Variants in CTPS2 observed in about 807,000 individuals in gnomAD.
The protein encoded by CTPS2 is CTP synthase 2, also known as CTP synthase II.
In CTPS2, 19 loss-of-function variants were observed where a neutral mutation model predicts 46.8. The observed-to-expected ratio is 0.41, with a 90% CI of 0.28 to 0.60. The LOEUF is 0.60. Ranked by LOEUF, CTPS2 falls within the 20% of genes least tolerant of loss-of-function variation. CTPS2 has a pLI of 0.35. For missense variants in CTPS2, 286 were observed against 447.6 expected, an observed-to-expected ratio of 0.64 and a Z score of 3.26; for synonymous variants, 151 against 165.2, an observed-to-expected ratio of 0.91 and a Z score of 0.66.
At position 16,609,745 on chromosome X, in the gene CTPS2, ATCT is replaced by A. The variant is rs1481952155; in HGVS notation, c.1547-63_1547-61del. The A allele has an allele frequency of 1.4e-5, 15 of 1,061,401 alleles. No homozygotes were observed. In the Admixed American group the frequency reaches 1.9e-4, roughly 14 times the overall value. 87.5% of individuals were successfully genotyped at this position (1,061,401 alleles called of 1,213,427 possible). On this transcript the variant is annotated intron_variant, in intron 16 of 18. Transcript: ENST00000359276. ...GACAAACAGGAGAACTGCTTTAAAG[ATCT>A]TCTTATCTTTGAATATGAAAACTCA...
chrX:16,652,222 A>G (rs1195087455), intron 13 of CTPS2, among the ~76,000 whole-genome samples: 9 of 111,960 alleles, frequency 8.0e-5, no homozygotes, highest in Non-Finnish European at 1.1e-4. Flanking sequence ...TCATTTTGCA[A>G]TTAAAAACCA....
chrX:16,631,297 A>G (rs942918949), intron 14 of CTPS2, among the ~76,000 whole-genome samples: 2 of 109,024 alleles, frequency 1.8e-5, no homozygotes, highest in African/African-American at 6.7e-5. Flanking sequence ...GCAGTGAGCC[A>G]AGATCATGCC....
chrX:16,680,598 C>T (rs1265220219), intron 9 of CTPS2, among the ~76,000 whole-genome samples: 3 of 108,071 alleles, frequency 2.8e-5, no homozygotes, highest in African/African-American at 1.0e-4. Context: ...AAAAAAAAGA[C>T]TATTCAAATA....
In CTPS2 at chrX:16,667,737, G is replaced by A. The variant is rs747250791; in HGVS notation, c.1190-13C>T. 1 of 1,195,790 alleles carries A rather than the reference G, an allele frequency of 8.4e-7. No homozygotes were observed. The highest frequency in any genetic ancestry group is 1.1e-6 in the Non-Finnish European group (1 of 883,255). On this transcript the variant is annotated splice_polypyrimidine_tract_variant and intron_variant, in intron 11 of 18. Coordinates refer to ENST00000359276, the MANE Select transcript of CTPS2 (RefSeq NM_175859.3). ...CCAAGACAAACTCCTATTTTAAAAA[G>A]CACATATGCAAAGCAAATGAACTCA...
intron 17 of CTPS2, among the ~76,000 whole-genome samples, chrX:16,593,225 C>G (rs781394591): frequency 1.4e-4 from 15 of 111,027 alleles, no homozygotes; most frequent in East Asian, 8.5e-4. Context: ...GTCAGGAGAT[C>G]GAGATCATCC....
At chrX:16,598,387 T>G (rs1255324853) in intron 17 of CTPS2, among the ~76,000 whole-genome samples, 1 of 111,164 alleles carries the variant, frequency 9.0e-6, no homozygotes, top group East Asian at 2.8e-4. Flanking sequence ...TCACCACCGA[T>G]CCCACAGAAA....
chrX:16,653,067 G>A (rs1026568198), intron 13 of CTPS2, among the ~76,000 whole-genome samples: 14 of 110,569 alleles, frequency 1.3e-4, no homozygotes, highest in East Asian at 2.8e-4. Flanking sequence ...GATTAAGAGC[G>A]TAAATTCAAT....
intron 17 of CTPS2, among the ~76,000 whole-genome samples, chrX:16,599,945 A>G (rs921352659): frequency 4.6e-5 from 5 of 108,365 alleles, no homozygotes; most frequent in Non-Finnish European, 7.6e-5. Context: ...TGCCCAGCTA[A>G]TTTTTGTATT....
intron 13 of CTPS2, among the ~76,000 whole-genome samples, chrX:16,666,221 G>A (rs1005584539): frequency 2.1e-4 from 24 of 112,204 alleles, no homozygotes; most frequent in Non-Finnish European, 3.8e-4. Flanking sequence ...GCTGACTGAA[G>A]GCCAACCATC....
chrX:16,689,351 A>C (rs1011081866), intron 8 of CTPS2, 99 bp downstream of exon 8: 27 of 881,325 alleles, frequency 3.1e-5, no homozygotes, highest in Non-Finnish European at 4.3e-5. Flanking sequence ...TGCACACGCA[A>C]AATGCCAAAT....
chrX:16,693,978 A>T (rs1342366844), intron 4 of CTPS2, among the ~76,000 whole-genome samples: 2 of 109,916 alleles, frequency 1.8e-5, no homozygotes, highest in South Asian at 7.9e-4. Flanking sequence ...ATCCTGGCCA[A>T]CATGGTGAAA....
At chrX:16,667,597 G>A in intron 12 of CTPS2, 40 bp from the exon 13 acceptor site, 1 of 1,202,588 alleles carries the variant, frequency 8.3e-7, no homozygotes, top group Non-Finnish European at 1.1e-6. Context: ...CACCAATAGT[G>A]CTGAAAAATA....
intron 17 of CTPS2, among the ~76,000 whole-genome samples, chrX:16,602,331 G>C (rs1929716415): frequency 1.8e-5 from 2 of 110,265 alleles, no homozygotes; most frequent in African/African-American, 6.6e-5. Flanking sequence ...CAGGGGACGG[G>C]GGTAGCATTG....
chrX:16,664,574 G>T (rs1358207420), intron 13 of CTPS2, among the ~76,000 whole-genome samples: 1 of 111,740 alleles, frequency 8.9e-6, no homozygotes, highest in Non-Finnish European at 1.9e-5. Flanking sequence ...AAGGGAAGTG[G>T]ATGACAAAGA....
At chrX:16,661,291 G>C (rs757004313) in intron 13 of CTPS2, among the ~76,000 whole-genome samples, 21 of 111,837 alleles carry the variant, frequency 1.9e-4, no homozygotes, top group Non-Finnish European at 3.9e-4. Flanking sequence ...TACTTTTATG[G>C]GAAAAAGGAT....
rs778728970 is a variant in CTPS2, at chrX:16,603,199, G to A, written c.1691+6342C>T. Reference sequence around the variant, plus strand: ...CGGGAGGCCGAGGCGGGTGGATCACGAGGTCAGGAGTTCAAGACCAGCCTG... The same window carrying A: ...CGGGAGGCCGAGGCGGGTGGATCACAAGGTCAGGAGTTCAAGACCAGCCTG... On this transcript the variant is annotated intron_variant, in intron 17 of 18. Coordinates refer to ENST00000359276, the MANE Select transcript of CTPS2 (RefSeq NM_175859.3). Among the ~76,000 whole-genome samples, 10 of 110,590 alleles carry A rather than the reference G, an allele frequency of 9.0e-5. No homozygotes were observed. In the East Asian group the frequency reaches 1.7e-3, roughly 19 times the overall value.
At chrX:16,697,430 G>T (rs1004066909) in intron 4 of CTPS2, among the ~76,000 whole-genome samples, 1 of 74,693 alleles carries the variant, frequency 1.3e-5, no homozygotes, top group Non-Finnish European at 2.4e-5. Flanking sequence ...GTTCAAATAC[G>T]ACTTTTTTTT....
chrX:16,625,699 G>A (rs1336011243), intron 14 of CTPS2, among the ~76,000 whole-genome samples: 3 of 108,428 alleles, frequency 2.8e-5, no homozygotes, highest in Non-Finnish European at 5.7e-5. Flanking sequence ...GAGTGGTGGA[G>A]GTGGCTCTCA....
At chrX:16,593,354 G>C (rs759120053) in intron 17 of CTPS2, among the ~76,000 whole-genome samples, 2 of 106,155 alleles carry the variant, frequency 1.9e-5, no homozygotes, top group African/African-American at 3.5e-5. Flanking sequence ...GCGTGAACCC[G>C]GGAGGCGGAG....
Sources: allele counts gnomAD v4.1 joint callset (sites outside exome capture counted in the v4.1 genomes callset), GRCh38; gene constraint gnomAD v4.1.1; transcripts MANE v1.5; gene names NCBI Gene and HGNC (gene_info 2026-07-23, HGNC 2026-07-21).